Variants in RFC4 observed in about 807,000 individuals in gnomAD.
RFC4 encodes the protein replication factor C subunit 4.
A neutral mutation model predicts 47.6 loss-of-function variants in RFC4; 38 were observed. The observed-to-expected ratio is 0.80, with a 90% CI of 0.62 to 1.05. The LOEUF (loss-of-function observed/expected upper bound fraction) is 1.05, where lower values mean the gene tolerates loss of function less well. Among genes scored for constraint, RFC4 ranks in the 50% least tolerant of loss-of-function variants. The pLI is 0.00. For missense variants in RFC4, 489 were observed against 434.0 expected, an observed-to-expected ratio of 1.13 and a Z score of -1.13; for synonymous variants, 164 against 150.0, an observed-to-expected ratio of 1.09 and a Z score of -0.68.
At chr3:186,791,901 T>C (rs759544534) in intron 7 of RFC4, 51 bp from the exon 8 acceptor site, 2 of 1,466,690 alleles carry the variant, frequency 1.4e-6, no homozygotes, top group Non-Finnish European at 1.9e-6. Context: ...TAAGGATTTA[T>C]AACTTTAATT....
chr3:186,794,679 G>C lies in RFC4; in HGVS notation c.389C>G (p.Thr130Ser). The C allele has an allele frequency of 1.2e-6, 2 of 1,614,048 alleles. No individual in the cohort carries two copies. The highest frequency in any genetic ancestry group is 1.7e-6 in the Non-Finnish European group (2 of 1,179,948). ...TTACTCTGAGCGACTTCCTGACACA[G>C]TTAATTGAGCAAAATTTTTCACTTT... ...REKVKNFAQL[T>S]VSGSRSDGKP... The change falls in exon 5 of 11, where the codon ACT (threonine) becomes AGT (serine). Residue 130 changes from threonine (T) to serine (S), a missense_variant. Thr to Ser is a moderately conservative substitution (Grantham distance 58). This residue lies in a region of RFC4 where 206 missense variants were observed against 257.8 expected (regional missense o/e 0.80). Transcript: ENST00000296273.
chr3:186,801,408 C>T, intron 2 of RFC4: 1 of 564,444 alleles, frequency 1.8e-6, no homozygotes, highest in Non-Finnish European at 3.1e-6. Flanking sequence ...GTTTTACTTC[C>T]TTTCTGCATT....
chr3:186,797,372 G>T (rs962711998), intron 4 of RFC4, among the ~76,000 whole-genome samples, 163 bp downstream of exon 4: 1 of 152,152 alleles, frequency 6.6e-6, no homozygotes, highest in South Asian at 2.1e-4. Context: ...TTTCTTCAGG[G>T]GAGTGAGGGA....
intron 4 of RFC4, among the ~76,000 whole-genome samples, chr3:186,795,756 G>A (rs553002263): frequency 1.3e-5 from 2 of 152,234 alleles, no homozygotes; most frequent in African/African-American, 4.8e-5. Context: ...TCGCACCACT[G>A]CACTCCAGCC....
chr3:186,789,938 T>C lies in RFC4; in HGVS notation c.*31A>G. The C allele has an allele frequency of 1.5e-6, 2 of 1,346,052 alleles. No individual in the cohort carries two copies. The highest frequency in any genetic ancestry group is 2.1e-6 in the Non-Finnish European group (2 of 947,774). The allele number at this position is 1,346,052 out of a possible 1,614,324, so 83.4% of individuals were successfully genotyped here. On this transcript the variant is annotated 3_prime_UTR_variant, in exon 11 of 11. Transcript: ENST00000296273. The stretch of plus-strand genomic sequence containing the variant: ...TTTATTTTTATTACAACTTCATTAT[T>C]TACAAAACCCCCCATCCAGATATAT...
intron 3 of RFC4, among the ~76,000 whole-genome samples, chr3:186,798,306 C>T (rs559186230): frequency 3.3e-5 from 5 of 152,152 alleles, no homozygotes; most frequent in East Asian, 1.9e-4. Flanking sequence ...ATCAAGCAGT[C>T]GACTGATCCG....
rs758462674 is a variant in RFC4, at chr3:186,797,587, G to A, written c.238C>T (p.Pro80Ser). Residue 80 changes from proline to serine, a missense_variant, in exon 4 of 11, where the codon CCT becomes TCT. By Grantham distance (74) the Pro-to-Ser change is moderately conservative (BLOSUM62 -1). Around this residue, in one of 2 missense-constraint regions of RFC4, gnomAD observed 206 missense variants for 257.8 expected, o/e 0.80. Coordinates refer to ENST00000296273, the MANE Select transcript of RFC4 (RefSeq NM_002916.5). ...ATAGTGGATGTTTTTCCAGTTCCAG[G>A]TGGTCCGTAAAACAAGAGATTAGGA... is the stretch of plus-strand genomic sequence containing the variant. Reference protein sequence around the residue: ...DLPNLLFYGPPGTGKTSTILA... With the variant: ...DLPNLLFYGPSGTGKTSTILA... 11 of 1,611,108 alleles carry A rather than the reference G, an allele frequency of 6.8e-6. No homozygotes were observed. The African/African-American group carries it at 8.0e-5, about 12-fold the overall frequency.
At chr3:186,805,965 A>C (rs1171707334) in intron 1 of RFC4, among the ~76,000 whole-genome samples, 3 of 152,244 alleles carry the variant, frequency 2.0e-5, no homozygotes, top group Non-Finnish European at 4.4e-5. Context: ...TGAGTTAAAT[A>C]AAAGAATGTA....
In RFC4 at chr3:186,796,927, G is replaced by C. The variant is rs1722254667; in HGVS notation, c.290+608C>G. ...TACACATCTTTTAACTCTAGGTAAAGGGCTCCTCTAGAATGGCTGGTTAAG... is the reference window on the plus strand; with the variant it reads ...TACACATCTTTTAACTCTAGGTAAACGGCTCCTCTAGAATGGCTGGTTAAG... On this transcript the variant is annotated intron_variant, in intron 4 of 10. Transcript: ENST00000296273. This position sits in a 1 kb window ranked among gnomAD's most constrained non-coding sequence, Gnocchi z 4.2. Among the ~76,000 whole-genome samples the C allele has an allele frequency of 6.6e-6, 1 of 152,184 alleles. No individual in the cohort carries two copies. The highest frequency in any genetic ancestry group is 6.5e-5 in the Admixed American group (1 of 15,270).
At position 186,789,938 on chromosome 3, in the gene RFC4, T is replaced by TTACAAAACCCCCCA. The variant is rs759507814; in HGVS notation, c.*17_*30dup. 1.5e-6 allele frequency: 2 copies of TTACAAAACCCCCCA among 1,346,052 alleles called. No homozygotes were observed. Among genetic ancestry groups the TTACAAAACCCCCCA allele is most frequent in the Admixed American group, 1.8e-5 (1 of 54,474 alleles). The allele number at this position is 1,346,052 out of a possible 1,614,324, so 83.4% of individuals were successfully genotyped here. A position where few individuals can be genotyped will look rare whatever the true frequency, so the allele number is the denominator to read the frequency against. ...TTTATTTTTATTACAACTTCATTAT[T>TTACAAAACCCCCCA]TACAAAACCCCCCATCCAGATATAT... On this transcript the variant is annotated 3_prime_UTR_variant, in exon 11 of 11. Coordinates refer to ENST00000296273, the MANE Select transcript of RFC4 (RefSeq NM_002916.5).
In RFC4 at chr3:186,806,376, G is replaced by A. The variant is rs959491885; in HGVS notation, c.-98C>T. ...ACAAAAAGGACGAGATGGTCTCGAA[G>A]TCTTAGCTCCGTCACCTAATCTGAG... is the stretch of plus-strand genomic sequence containing the variant. On this transcript the variant is annotated 5_prime_UTR_variant, in exon 1 of 11. Transcript: ENST00000296273. 1 of 152,288 alleles carries A rather than the reference G, an allele frequency of 6.6e-6. No homozygotes were observed. Among genetic ancestry groups the A allele is most frequent in the Non-Finnish European group, 1.5e-5 (1 of 68,068 alleles). The allele number at this position is 152,288 out of a possible 1,614,324, so 9.4% of individuals were successfully genotyped here. A position where few individuals can be genotyped will look rare whatever the true frequency, so the allele number is the denominator to read the frequency against.
intron 2 of RFC4, among the ~76,000 whole-genome samples, chr3:186,803,614 G>A (rs191267162): frequency 1.3e-5 from 2 of 150,782 alleles, no homozygotes; most frequent in East Asian, 2.1e-4. Context: ...AGTGATTCTC[G>A]TGCCTCAGCC....
chr3:186,799,405 A>G (rs1722306279), intron 3 of RFC4, among the ~76,000 whole-genome samples: 1 of 152,228 alleles, frequency 6.6e-6, no homozygotes, highest in Non-Finnish European at 1.5e-5. Context: ...ATTAAACTGA[A>G]GTTCTTACTT....
chr3:186,805,769 A>G (rs1017639141), intron 1 of RFC4, among the ~76,000 whole-genome samples: 3 of 152,164 alleles, frequency 2.0e-5, no homozygotes, highest in Non-Finnish European at 4.4e-5. Context: ...CAGGGATAAA[A>G]AGCATCATTA....
chr3:186,798,358 T>A (rs1722284618), intron 3 of RFC4, among the ~76,000 whole-genome samples: 1 of 152,170 alleles, frequency 6.6e-6, no homozygotes, highest in African/African-American at 2.4e-5. Flanking sequence ...ATGAGCTCTG[T>A]TATGATACTG....
At chr3:186,801,710 C>CAAA (rs34281312) in intron 2 of RFC4, among the ~76,000 whole-genome samples, 16 of 72,892 alleles carry the variant, frequency 2.2e-4, no homozygotes, top group South Asian at 4.9e-4. Flanking sequence ...GACTCTGTCT[C>CAAA]AAAAAAAAAA....
chr3:186,803,535 G>A lies in RFC4; in HGVS notation c.131+1048C>T, dbSNP rs187605836. ...ATTTATTTATTTGAGACAGAGTCTC[G>A]TTCTGTCACCCAGGCTGGAATGCAG... On this transcript the variant is annotated intron_variant, in intron 2 of 10. Coordinates refer to ENST00000296273, the MANE Select transcript of RFC4 (RefSeq NM_002916.5). Among the ~76,000 whole-genome samples, 141 of 151,858 alleles carry A rather than the reference G, an allele frequency of 9.3e-4. 1 individual carries two copies. The highest frequency in any genetic ancestry group is 3.1e-3 in the African/African-American group (130 of 41,436).
rs1722176788 is a variant in RFC4, at chr3:186,793,069, G to T, written c.411-122C>A. On this transcript the variant is annotated intron_variant, in intron 5 of 10. Transcript: ENST00000296273. The surrounding 1 kb of genome is among the most constrained non-coding windows in gnomAD (Gnocchi z 4.2). The stretch of plus-strand genomic sequence containing the variant: ...AAAATGTACAATTCAGTGTTTTTCT[G>T]TATGTTCACAAAGTTGTGCAACCAT... 2 of 824,668 alleles carry T rather than the reference G, an allele frequency of 2.4e-6. No homozygotes were observed. The allele number at this position is 824,668 out of a possible 1,614,324, so 51.1% of individuals were successfully genotyped here.
At chr3:186,801,891 T>G (rs1006985308) in intron 2 of RFC4, among the ~76,000 whole-genome samples, 1 of 150,818 alleles carries the variant, frequency 6.6e-6, no homozygotes, top group Non-Finnish European at 1.5e-5. Context: ...GGCATGGTGG[T>G]GCATGCCTGT....
Sources: allele counts gnomAD v4.1 joint callset (sites outside exome capture counted in the v4.1 genomes callset), GRCh38; gene constraint gnomAD v4.1.1; regional missense constraint gnomAD v4.1.1; non-coding constraint Gnocchi (gnomAD v3.1); transcripts MANE v1.5; gene names NCBI Gene and HGNC (gene_info 2026-07-23, HGNC 2026-07-21).